NIBAN1: variants seen among roughly 807,000 people sequenced by gnomAD.
NIBAN1 encodes the protein niban apoptosis regulator 1.
NIBAN1 carries 81 observed loss-of-function variants against 75.1 expected under a neutral mutation model. That is an observed-to-expected ratio of 1.08 (90% CI 0.90 to 1.30). The LOEUF (loss-of-function observed/expected upper bound fraction) is 1.30. Among genes scored for constraint, NIBAN1 ranks in the 50% most tolerant of loss-of-function variants. NIBAN1 has a pLI of 0.00. For synonymous variants in NIBAN1, 436 were observed against 424.8 expected (o/e 1.03, Z -0.32); for missense variants, 1,133 against 1,128.1 (o/e 1.00, Z -0.06).
At chr1:184,961,107 C>T (rs1658629002) in intron 1 of NIBAN1, among the ~76,000 whole-genome samples, 1 of 109,838 alleles carries the variant, frequency 9.1e-6, no homozygotes, top group Non-Finnish European at 1.7e-5. Flanking sequence ...CTTGCTCTGT[C>T]GCCCAGGCTG....
At chr1:184,923,680 A>G (rs1374429928) in intron 1 of NIBAN1, among the ~76,000 whole-genome samples, 1 of 152,148 alleles carries the variant, frequency 6.6e-6, no homozygotes, top group African/African-American at 2.4e-5. Context: ...TTTTAACAAT[A>G]TTAATAATTC....
intron 1 of NIBAN1, among the ~76,000 whole-genome samples, chr1:184,931,031 ACT>A (rs1328189585): frequency 8.1e-6 from 1 of 123,946 alleles, no homozygotes; most frequent in Admixed American, 1.0e-4. Context: ...ACTGAGTCTC[ACT>A]CTGTCACCCA....
At chr1:184,812,496 G>T (rs1235486589) in intron 9 of NIBAN1, among the ~76,000 whole-genome samples, 1 of 152,180 alleles carries the variant, frequency 6.6e-6, no homozygotes, top group Non-Finnish European at 1.5e-5. Flanking sequence ...TTACCAGTCA[G>T]ATTTCTGGCT....
chr1:184,869,823 T>A (rs1423705002), intron 5 of NIBAN1, among the ~76,000 whole-genome samples: 1 of 152,226 alleles, frequency 6.6e-6, no homozygotes, highest in African/African-American at 2.4e-5. Context: ...ATTACGGGCG[T>A]GAGCCACTGC....
intron 5 of NIBAN1, among the ~76,000 whole-genome samples, chr1:184,833,564 C>T (rs555366793): frequency 3.3e-5 from 5 of 151,972 alleles, no homozygotes; most frequent in East Asian, 3.9e-4. Flanking sequence ...TAGCTGAGCA[C>T]GGTGGCACAT....
chr1:184,944,757 A>G (rs1488900897), intron 1 of NIBAN1, among the ~76,000 whole-genome samples: 1 of 152,254 alleles, frequency 6.6e-6, no homozygotes, highest in Non-Finnish European at 1.5e-5. Context: ...CAACTGGAAA[A>G]TGTTCCCAAA....
chr1:184,835,992 G>C (rs1655132058), intron 5 of NIBAN1, among the ~76,000 whole-genome samples: 1 of 152,154 alleles, frequency 6.6e-6, no homozygotes, highest in South Asian at 2.1e-4. Context: ...GTCATAAATA[G>C]CTCTTATTAT....
rs1274063890 is a variant in NIBAN1, at chr1:184,818,776, TG to T, written c.1034del (p.Pro345HisfsTer14). On this transcript the variant is annotated frameshift_variant, in exon 9 of 14. Transcript: ENST00000367511. LOFTEE classifies it high-confidence loss of function. ...AEKSCLESVQPFLASILEELM... is the reference protein window; with the variant it reads ...AEKSCLESVQXFLASILEELM... Reference sequence around the variant, plus strand: ...GCTCCTCCAGGATGGATGCCAGGAATGGCTGCACACTCTCCAAGCAGCTTTT... The same window carrying T: ...GCTCCTCCAGGATGGATGCCAGGAATGCTGCACACTCTCCAAGCAGCTTTT... 1 of 1,612,032 alleles carries T rather than the reference TG, an allele frequency of 6.2e-7. No individual in the cohort carries two copies.
At chr1:184,832,509 C>A (rs1655026027) in intron 5 of NIBAN1, among the ~76,000 whole-genome samples, 1 of 152,150 alleles carries the variant, frequency 6.6e-6, no homozygotes, top group African/African-American at 2.4e-5. Context: ...TTCATTGAGA[C>A]CTCACAAAAA....
At chr1:184,843,921 A>G (rs531664856) in intron 5 of NIBAN1, among the ~76,000 whole-genome samples, 28 of 152,358 alleles carry the variant, frequency 1.8e-4, no homozygotes, top group Admixed American at 3.3e-4. Context: ...AAACTGGGTC[A>G]CGTGCCTCTC....
chr1:184,818,879 G>T, intron 8 of NIBAN1, 54 bp from the exon 9 acceptor site: 4 of 1,535,166 alleles, frequency 2.6e-6, no homozygotes, highest in Non-Finnish European at 3.5e-6. Context: ...TGGGTTTGTG[G>T]GCACTGGAGC....
chr1:184,807,987 A>G, intron 10 of NIBAN1, 87 bp downstream of exon 10: 1 of 1,468,468 alleles, frequency 6.8e-7, no homozygotes, highest in South Asian at 1.1e-5. Context: ...TCCCTGAGCT[A>G]CACTAGCAGC....
At chr1:184,938,540 T>C (rs1658016452) in intron 1 of NIBAN1, among the ~76,000 whole-genome samples, 1 of 152,172 alleles carries the variant, frequency 6.6e-6, no homozygotes, top group African/African-American at 2.4e-5. Context: ...TCAAATCTTT[T>C]TTTGTGAATT....
chr1:184,921,342 C>A (rs1393686018), intron 1 of NIBAN1, among the ~76,000 whole-genome samples: 1 of 151,798 alleles, frequency 6.6e-6, no homozygotes. Flanking sequence ...AAAAGACATC[C>A]TAAGGTAAGC....
At chr1:184,964,262 G>A (rs1490735848) in intron 1 of NIBAN1, among the ~76,000 whole-genome samples, 1 of 152,152 alleles carries the variant, frequency 6.6e-6, no homozygotes, top group Non-Finnish European at 1.5e-5. Flanking sequence ...CCTTCAGTCA[G>A]GACTTCTAGC....
At chr1:184,899,364 C>G (rs763804907) in intron 1 of NIBAN1, 55 bp from the exon 2 acceptor site, 139 of 1,576,988 alleles carry the variant, frequency 8.8e-5, no homozygotes, top group Non-Finnish European at 1.2e-4. Context: ...ATACACCTAT[C>G]TACAGAGTTC....
In NIBAN1 at chr1:184,897,783, C is replaced by T. The variant is rs114717392; in HGVS notation, c.186+1396G>A. On this transcript the variant is annotated intron_variant, in intron 2 of 13. Transcript: ENST00000367511. ...CTGGTTAAAAACCAAGAAGTCATCA[C>T]TGATTTCTCTCTTCTTCTATTATCT... Among the ~76,000 whole-genome samples, 1,430 of 152,322 alleles carry T rather than the reference C, an allele frequency of 9.4e-3. 4 individuals are homozygous for T. The highest frequency in any genetic ancestry group is 0.024 in the Middle Eastern group (7 of 294).
Position 184,795,327 on chromosome 1 carries a change from C to A in NIBAN1, c.2437G>T (p.Gly813Trp). 6.2e-7 allele frequency: 1 copy of A among 1,611,046 alleles called. No homozygotes were observed. The highest frequency in any genetic ancestry group is 2.2e-5 in the East Asian group (1 of 44,844). The change falls in exon 14 of 14, where the codon GGG (glycine) becomes TGG (tryptophan). Residue 813 changes from glycine to tryptophan, a missense_variant. By Grantham distance (184) the Gly-to-Trp change is radical (BLOSUM62 -2). Transcript: ENST00000367511. ...GTGCAGGCCTCTCCTGGGAGCTCCC[C>A]CTCCATGGGCCCCAGGGGCTCCTCG... ...LTEEPLGPME[G>W]ELPGEACTLT...
At chr1:184,901,713 C>A (rs1656960325) in intron 1 of NIBAN1, among the ~76,000 whole-genome samples, 1 of 152,164 alleles carries the variant, frequency 6.6e-6, no homozygotes, top group Non-Finnish European at 1.5e-5. Context: ...GCTTTGAAAG[C>A]TGATTTTCTG....
Sources: allele counts gnomAD v4.1 joint callset (sites outside exome capture counted in the v4.1 genomes callset), GRCh38; gene constraint gnomAD v4.1.1; transcripts MANE v1.5; gene names NCBI Gene and HGNC (gene_info 2026-07-23, HGNC 2026-07-21).